TNS2: variants seen among roughly 807,000 people sequenced by gnomAD.
TNS2 encodes tensin-2.
In TNS2, 77 loss-of-function variants were observed where a neutral mutation model predicts 155.7. The ratio of observed to expected loss-of-function variants is 0.49; its 90% CI spans 0.41 to 0.60. TNS2 has a LOEUF of 0.60. Among genes scored for constraint, TNS2 ranks in the 20% least tolerant of loss-of-function variants. TNS2 has a pLI of 0.00. For missense variants in TNS2, 1,703 were observed against 1,868.8 expected, an observed-to-expected ratio of 0.91 and a Z score of 1.64; for synonymous variants, 726 against 763.9, an observed-to-expected ratio of 0.95 and a Z score of 0.82.
Position 53,054,450 on chromosome 12 carries a change from CG to C in TNS2, c.522+13del, listed in dbSNP as rs1565603848. On this transcript the variant is annotated intron_variant, in intron 7 of 28. Coordinates refer to ENST00000314250, the MANE Select transcript of TNS2 (RefSeq NM_170754.4). ...ACCGGGACAAGTACCTGGTGAGGGG[CG>C]GGGCCATCAGGAGTCCGCCAATGAG... The C allele has an allele frequency of 3.8e-6, 6 of 1,589,644 alleles. No homozygotes were observed. The East Asian group carries it at 1.4e-4, about 36-fold the overall frequency.
chr12:53,047,678 G>C (rs1162848668), upstream of TNS2, among the ~76,000 whole-genome samples: 2 of 152,142 alleles, frequency 1.3e-5, no homozygotes, highest in African/African-American at 2.4e-5. Context: ...CCCGGGACCC[G>C]GCAGCAGCTG....
rs887651825 is a variant in TNS2, at chr12:53,064,043, C to T, written c.*161C>T. The T allele has an allele frequency of 4.2e-5, 32 of 753,590 alleles. No individual in the cohort carries two copies. The South Asian group carries it at 5.7e-4, about 13-fold the overall frequency. 46.7% of individuals were successfully genotyped at this position (753,590 alleles called of 1,614,324 possible). A position where few individuals can be genotyped will look rare whatever the true frequency, so the allele number is the denominator to read the frequency against. ...CCTGGGACACTGCTCTCCTTCCCCG[C>T]CCCCAGCCTGCTAAGTTAAGTGGAC... is the stretch of plus-strand genomic sequence containing the variant. On this transcript the variant is annotated 3_prime_UTR_variant, in exon 29 of 29. Coordinates refer to ENST00000314250, the MANE Select transcript of TNS2 (RefSeq NM_170754.4).
chr12:53,058,847 G>A lies in TNS2; in HGVS notation c.1405+20G>A. The A allele has an allele frequency of 6.2e-7, 1 of 1,611,194 alleles. No individual in the cohort carries two copies. The highest frequency in any genetic ancestry group is 8.5e-7 in the Non-Finnish European group (1 of 1,179,432). On this transcript the variant is annotated intron_variant, in intron 17 of 28. Coordinates refer to ENST00000314250, the MANE Select transcript of TNS2 (RefSeq NM_170754.4). ...TGGATGGTGCGCAGGCAGCCTGCAG[G>A]GTGGGAGGTACAGGGTTGTGGCGGG...
At chr12:53,049,380 G>A, upstream of TNS2, 1 of 735,590 alleles carries the variant, frequency 1.4e-6, no homozygotes, top group South Asian at 1.8e-5. Flanking sequence ...GAATGGGTGA[G>A]TGGGGGGCAC....
chr12:53,051,151 A>G (rs925045755), intron 1 of TNS2, among the ~76,000 whole-genome samples: 1 of 152,152 alleles, frequency 6.6e-6, no homozygotes, highest in Non-Finnish European at 1.5e-5. Flanking sequence ...TTCTCATTCA[A>G]TGCGTGAATC....
chr12:53,052,876 G>T (rs1268620546), intron 3 of TNS2, among the ~76,000 whole-genome samples: 2 of 152,122 alleles, frequency 1.3e-5, no homozygotes, highest in Non-Finnish European at 2.9e-5. Context: ...CTGGGGAAGG[G>T]TCCTCAAAAT....
At position 53,060,703 on chromosome 12, in the gene TNS2, ACC is replaced by A; in HGVS notation, c.2798_2799del (p.Thr933IlefsTer26). 1 of 1,585,206 alleles carries A rather than the reference ACC, an allele frequency of 6.3e-7. No homozygotes were observed. The highest frequency in any genetic ancestry group is 2.3e-5 in the East Asian group (1 of 44,430). ...STRRQDTRSPTSAPTQRLSPG... is the reference protein window; with the variant it reads ...STRRQDTRSPXSAPTQRLSPG... ...CCGGCGACAGGACACCAGGTCCCCC[ACC>A]TCAGCGCCCACTCAGAGACTGAGTC... On this transcript the variant is annotated frameshift_variant, in exon 20 of 29. Transcript: ENST00000314250. LOFTEE classifies it high-confidence loss of function. This position sits in a 1 kb window ranked among gnomAD's most constrained non-coding sequence, Gnocchi z 6.1.
chr12:53,058,845 A>G lies in TNS2; in HGVS notation c.1405+18A>G. The G allele has an allele frequency of 1.2e-6, 2 of 1,611,326 alleles. No individual in the cohort carries two copies. Among genetic ancestry groups the G allele is most frequent in the Non-Finnish European group, 1.7e-6 (2 of 1,179,456 alleles). On this transcript the variant is annotated intron_variant, in intron 17 of 28. Coordinates refer to ENST00000314250, the MANE Select transcript of TNS2 (RefSeq NM_170754.4). ...TGTGGATGGTGCGCAGGCAGCCTGC[A>G]GGGTGGGAGGTACAGGGTTGTGGCG... is the stretch of plus-strand genomic sequence containing the variant.
chr12:53,049,898 G>A (rs1000199957), upstream of TNS2: 47 of 593,450 alleles, frequency 7.9e-5, no homozygotes, highest in Admixed American at 1.0e-3. Context: ...GGGGAGTAGG[G>A]GGAGCAAAAG....
In TNS2 at chr12:53,060,750, T is replaced by C. The variant is rs763094056; in HGVS notation, c.2844T>C (p.Pro948=). Residue 948 remains proline, a synonymous_variant, in exon 20 of 29, where the codon CCT becomes CCC. Transcript: ENST00000314250. This position sits in a 1 kb window ranked among gnomAD's most constrained non-coding sequence, Gnocchi z 6.1. ...TGAGTCCTGGCGAGGCCTTGCCCCC[T>C]GTTTCCCAGGCAGGCACCGGAAAGG... is the stretch of plus-strand genomic sequence containing the variant. ...QRLSPGEALP[P]VSQAGTGKAP... is the part of the protein sequence containing the mutation. 1.7e-5 allele frequency: 27 copies of C among 1,611,156 alleles called. No homozygotes were observed. The highest frequency in any genetic ancestry group is 5.5e-5 in the South Asian group (5 of 90,874).
chr12:53,061,117 C>T lies in TNS2; in HGVS notation c.3211C>T (p.Pro1071Ser). The T allele has an allele frequency of 1.9e-6, 3 of 1,610,450 alleles. No homozygotes were observed. Among genetic ancestry groups the T allele is most frequent in the Non-Finnish European group, 2.5e-6 (3 of 1,178,294 alleles). The part of the protein sequence containing the change: ...ASYDTNGLSQ[P>S]PLPEKRHLPG... ...CTATGACACCAATGGCCTTAGCCAG[C>T]CCCCACTTCCTGAGAAACGCCACCT... Residue 1071 changes from proline (P) to serine (S), a missense_variant, in exon 20 of 29, where the codon CCC becomes TCC. By Grantham distance (74) the Pro-to-Ser change is moderately conservative. Transcript: ENST00000314250.
intron 1 of TNS2, among the ~76,000 whole-genome samples, chr12:53,051,149 C>A (rs150927728): frequency 5.8e-4 from 88 of 152,284 alleles, no homozygotes; most frequent in African/African-American, 2.0e-3. Flanking sequence ...CTTTCTCATT[C>A]AATGCGTGAA....
chr12:53,050,207 G>C lies in TNS2; in HGVS notation c.22G>C (p.Glu8Gln). 3 of 1,611,252 alleles carry C rather than the reference G, an allele frequency of 1.9e-6. No individual in the cohort carries two copies. Among genetic ancestry groups the C allele is most frequent in the Non-Finnish European group, 2.5e-6 (3 of 1,179,402 alleles). ...CACCATGAAGTCCAGCGGCCCTGTG[G>C]AGAGGCTGCTCAGAGCCCTGGGGAG... MKSSGPVERLLRALGRRD... is the reference protein window; with the variant it reads MKSSGPVQRLLRALGRRD... The change falls in exon 1 of 29, where the codon GAG becomes CAG. Residue 8 changes from glutamate to glutamine, a missense_variant. Coordinates refer to ENST00000314250, the MANE Select transcript of TNS2 (RefSeq NM_170754.4). This position sits in a 1 kb window ranked among gnomAD's most constrained non-coding sequence, Gnocchi z 4.7.
rs1042239338 is a variant in TNS2, at chr12:53,063,957, C to G, written c.*75C>G. The G allele has an allele frequency of 1.9e-6, 3 of 1,545,308 alleles. No individual in the cohort carries two copies. Among genetic ancestry groups the G allele is most frequent in the Non-Finnish European group, 2.6e-6 (3 of 1,137,128 alleles). On this transcript the variant is annotated 3_prime_UTR_variant, in exon 29 of 29. Coordinates refer to ENST00000314250, the MANE Select transcript of TNS2 (RefSeq NM_170754.4). This position sits in a 1 kb window ranked among gnomAD's most constrained non-coding sequence, Gnocchi z 5.6. ...ACCCCACAGCCCTCACATCCCCTGG[C>G]CTGGACCCAGGAGACCCAGGAGAAA...
chr12:53,063,570 A>G lies in TNS2; in HGVS notation c.4069A>G (p.Asn1357Asp). The change falls in exon 28 of 29, where the codon AAC (asparagine) becomes GAC (aspartate). Residue 1357 changes from asparagine to aspartate, a missense_variant. Coordinates refer to ENST00000314250, the MANE Select transcript of TNS2 (RefSeq NM_170754.4). The surrounding 1 kb of genome is among the most constrained non-coding windows in gnomAD (Gnocchi z 5.6). ...STDPQDRRWT[N>D]PDGTTSKIFG... ...CTTCTTCTCCTTCTGCAGATGGACCAACCCAGACGGGACCACCTCCAAGTA... is the reference window on the plus strand; with the variant it reads ...CTTCTTCTCCTTCTGCAGATGGACCGACCCAGACGGGACCACCTCCAAGTA... 7 of 1,609,844 alleles carry G rather than the reference A, an allele frequency of 4.3e-6. No individual in the cohort carries two copies. Among genetic ancestry groups the G allele is most frequent in the Non-Finnish European group, 5.1e-6 (6 of 1,179,004 alleles).
chr12:53,055,212 T>G lies in TNS2; in HGVS notation c.549T>G (p.His183Gln). 2 of 1,614,068 alleles carry G rather than the reference T, an allele frequency of 1.2e-6. No individual in the cohort carries two copies. The highest frequency in any genetic ancestry group is 2.2e-5 in the South Asian group (2 of 91,080). ...TCTTCAACCTTTCAGAGAAAAGGCA[T>G]GACCTGACCCGCTTAAACCCCAAGG... is the stretch of plus-strand genomic sequence containing the variant. ...YLLFNLSEKR[H>Q]DLTRLNPKVQ... The change falls in exon 8 of 29, where the codon CAT (histidine) becomes CAG (glutamine). Residue 183 changes from histidine (H) to glutamine (Q), a missense_variant. Physicochemically the swap from His to Gln is conservative, Grantham distance 24 (BLOSUM62 0). Coordinates refer to ENST00000314250, the MANE Select transcript of TNS2 (RefSeq NM_170754.4).
chr12:53,063,630 G>C lies in TNS2; in HGVS notation c.4091+38G>C, dbSNP rs1944455712. ...ACGAATTCAGCCTCTTCCTTCCAAG[G>C]GACCAGGGCGCTGCTGTCCTCTCAA... On this transcript the variant is annotated intron_variant, in intron 28 of 28. Transcript: ENST00000314250. The surrounding 1 kb of genome is among the most constrained non-coding windows in gnomAD (Gnocchi z 5.6). 1.9e-6 allele frequency: 3 copies of C among 1,614,038 alleles called. No homozygotes were observed. Among genetic ancestry groups the C allele is most frequent in the Admixed American group, 1.7e-5 (1 of 60,008 alleles).
Position 53,052,486 on chromosome 12 carries a change from A to G in TNS2, c.216A>G (p.Glu72=). The G allele has an allele frequency of 6.2e-7, 1 of 1,613,878 alleles. No homozygotes were observed. The highest frequency in any genetic ancestry group is 1.7e-5 in the Admixed American group (1 of 60,010). The change falls in exon 3 of 29, where the codon GAA becomes GAG. Residue 72 remains glutamate (E), a synonymous_variant. Coordinates refer to ENST00000314250, the MANE Select transcript of TNS2 (RefSeq NM_170754.4). ...AGGTGGCGACGCACAGAAAATGTGA[A>G]GCAAAGGTGGGTATCTGATTCTACC... ...VCKVATHRKC[E]AKVTSACQAL... is the part of the protein sequence containing the mutation.
chr12:53,061,627 C>G, intron 21 of TNS2, 158 bp downstream of exon 21: 1 of 1,338,962 alleles, frequency 7.5e-7, no homozygotes, highest in South Asian at 1.4e-5. Context: ...GGCTTTGGGC[C>G]AAGGCGGTGA....
Sources: gnomAD v4.1 joint callset for allele counts (sites outside exome capture counted in the v4.1 genomes callset) on GRCh38, gnomAD v4.1.1 for gene constraint, Gnocchi (gnomAD v3.1) non-coding constraint, MANE v1.5 for transcripts, NCBI Gene and HGNC (gene_info 2026-07-23, HGNC 2026-07-21) for gene names.